The following MCM8 variants were observed in gnomAD, a reference collection of about 807,000 sequenced individuals.
MCM8 encodes DNA helicase MCM8.
A neutral mutation model predicts 98.9 loss-of-function variants in MCM8; 85 were observed. The ratio of observed to expected loss-of-function variants is 0.86; its 90% CI spans 0.72 to 1.03. MCM8 has a LOEUF of 1.03. MCM8 is among the 50% of genes least tolerant of loss of function. MCM8 has a pLI of 0.00. For synonymous variants in MCM8, 352 were observed against 338.6 expected, an observed-to-expected ratio of 1.04 and a Z score of -0.44; for missense variants, 951 against 997.8, an observed-to-expected ratio of 0.95 and a Z score of 0.63.
intron 11 of MCM8, chr20:5,972,698 G>C: frequency 2.4e-6 from 3 of 1,250,580 alleles, no homozygotes; most frequent in Non-Finnish European, 3.2e-6. Flanking sequence ...GGGACTACAG[G>C]CATGCGCCAC....
intron 17 of MCM8, among the ~76,000 whole-genome samples, chr20:5,987,575 A>G (rs2089759457): frequency 6.6e-6 from 1 of 152,142 alleles, no homozygotes. Flanking sequence ...ATAGTGCTAA[A>G]ATCAGTTCCA....
At chr20:5,960,593 A>G (rs764126734) in intron 7 of MCM8, among the ~76,000 whole-genome samples, 1 of 152,062 alleles carries the variant, frequency 6.6e-6, no homozygotes, top group Non-Finnish European at 1.5e-5. Context: ...GACATGATCA[A>G]ATTGTTGTCT....
At chr20:5,962,669 C>T (rs369681199) in intron 7 of MCM8, among the ~76,000 whole-genome samples, 2 of 68,562 alleles carry the variant, frequency 2.9e-5, no homozygotes, top group Non-Finnish European at 4.5e-5. Context: ...CCACCGCGCC[C>T]GGCCTTCATT....
rs148807471 is a variant in MCM8 at position 5,957,354 on chromosome 20, A to G, written c.590+125A>G. 1.3e-3 allele frequency: 793 copies of G among 588,824 alleles called. 3 individuals are homozygous for G. In the African/African-American group the frequency reaches 0.014, roughly 10 times the overall value. 36.5% of individuals were successfully genotyped at this position (588,824 alleles called of 1,614,324 possible). A position where few individuals can be genotyped will look rare whatever the true frequency, so the allele number is the denominator to read the frequency against. Reference sequence around the variant, plus strand: ...AAGGACATGAGTTCCTTGCCATCTCATTGATCATCACACTGAAATAAACTC... The same window carrying G: ...AAGGACATGAGTTCCTTGCCATCTCGTTGATCATCACACTGAAATAAACTC... On this transcript the variant is annotated intron_variant, in intron 6 of 18. Coordinates refer to ENST00000610722, the MANE Select transcript of MCM8 (RefSeq NM_032485.6).
chr20:5,980,647 A>G (rs1443668889), intron 13 of MCM8, among the ~76,000 whole-genome samples: 1 of 152,142 alleles, frequency 6.6e-6, no homozygotes, highest in Non-Finnish European at 1.5e-5. Flanking sequence ...CGAGGCAGGC[A>G]GAGCACTTGA....
intron 7 of MCM8, among the ~76,000 whole-genome samples, chr20:5,960,245 A>G (rs2089106995): frequency 6.6e-6 from 1 of 151,846 alleles, no homozygotes; most frequent in Admixed American, 6.6e-5. Context: ...TTTTCTATTT[A>G]TATCTAATGT....
Position 5,963,366 on chromosome 20 carries a change from G to A in MCM8, c.875+7G>A, listed in dbSNP as rs201832610. 803 of 1,610,276 alleles carry A rather than the reference G, an allele frequency of 5.0e-4. 2 individuals carry two copies. Among genetic ancestry groups the A allele is most frequent in the Non-Finnish European group, 6.3e-4 (743 of 1,176,912 alleles). ...TGGACTGGCAGTCAATCAAGTAAGC[G>A]ATCAGACTGTTACATAAAAGGCAGG... On this transcript the variant is annotated splice_region_variant and intron_variant, in intron 8 of 18. Transcript: ENST00000610722.
rs1478776960 is a variant in MCM8 at position 5,985,902 on chromosome 20, G to A, written c.1954-20G>A. ...TTGCTACTTATCCTTGTTATCTTGGGCCTTTTAATCATGCTTCAGGTGGTT... is the reference window on the plus strand; with the variant it reads ...TTGCTACTTATCCTTGTTATCTTGGACCTTTTAATCATGCTTCAGGTGGTT... On this transcript the variant is annotated intron_variant, in intron 15 of 18. Coordinates refer to ENST00000610722, the MANE Select transcript of MCM8 (RefSeq NM_032485.6). The A allele has an allele frequency of 6.2e-7, 1 of 1,610,674 alleles. No individual in the cohort carries two copies. Among genetic ancestry groups the A allele is most frequent in the Non-Finnish European group, 8.5e-7 (1 of 1,176,966 alleles).
intron 10 of MCM8, among the ~76,000 whole-genome samples, chr20:5,969,066 G>A (rs1185457095): frequency 6.6e-6 from 1 of 152,012 alleles, no homozygotes. Flanking sequence ...CCCTTTATTT[G>A]TATCACCTTA....
chr20:5,995,018 A>T lies in MCM8; in HGVS notation c.*627A>T. On this transcript the variant is annotated 3_prime_UTR_variant, in exon 19 of 19. Transcript: ENST00000610722. ...TAAATTTTTTATAGTTGTATTTTTGACCTGCCTTTTATATGTATGAATATT... is the reference window on the plus strand; with the variant it reads ...TAAATTTTTTATAGTTGTATTTTTGTCCTGCCTTTTATATGTATGAATATT... 1 of 173,222 alleles carries T rather than the reference A, an allele frequency of 5.8e-6. No homozygotes were observed. Among genetic ancestry groups the T allele is most frequent in the Non-Finnish European group, 1.3e-5 (1 of 79,614 alleles). 10.7% of individuals were successfully genotyped at this position (173,222 alleles called of 1,614,324 possible).
rs146909264 is a variant in MCM8 at position 5,969,427 on chromosome 20, A to G, written c.1223+1402A>G. On this transcript the variant is annotated intron_variant, in intron 10 of 18. Transcript: ENST00000610722. ...ACCAATATGGTGAAACCCTGTCTCT[A>G]CTAAAAATAGAAAAATTAGCTGGGC... 3.5e-3 allele frequency among the ~76,000 whole-genome samples: 532 copies of G among 152,208 alleles called. 4 individuals are homozygous for G. The highest frequency in any genetic ancestry group is 0.012 in the African/African-American group (508 of 41,538).
In MCM8 at chr20:5,993,536, G is replaced by GA; in HGVS notation, c.2273dup (p.Asn758LysfsTer5). Reference sequence around the variant, plus strand: ...TAGGAACTTACTCTGATGAATTTGGGAACCTAGATTTTGAGCGATCCCAGC... The same window carrying GA: ...TAGGAACTTACTCTGATGAATTTGGGAAACCTAGATTTTGAGCGATCCCAGC... On this transcript the variant is annotated frameshift_variant, in exon 18 of 19. Coordinates refer to ENST00000610722, the MANE Select transcript of MCM8 (RefSeq NM_032485.6). LOFTEE classifies it high-confidence loss of function. 1 of 1,574,528 alleles carries GA rather than the reference G, an allele frequency of 6.4e-7. No individual in the cohort carries two copies.
At position 5,994,734 on chromosome 20, in the gene MCM8, TAAA is replaced by T. The variant is rs11422423; in HGVS notation, c.*359_*361del. 17 of 408,986 alleles carry T rather than the reference TAAA, an allele frequency of 4.2e-5. No individual in the cohort carries two copies. Among genetic ancestry groups the T allele is most frequent in the Admixed American group, 5.4e-5 (2 of 37,216 alleles). The allele number at this position is 408,986 out of a possible 1,614,324, so 25.3% of individuals were successfully genotyped here. On this transcript the variant is annotated 3_prime_UTR_variant, in exon 19 of 19. Coordinates refer to ENST00000610722, the MANE Select transcript of MCM8 (RefSeq NM_032485.6). ...GGCAACATAGCAAGACCCCATTTCT[TAAA>T]AAAAAAAAAAAAAAATTTAAACTTA...
intron 13 of MCM8, among the ~76,000 whole-genome samples, chr20:5,978,870 A>G (rs935979890): frequency 2.5e-4 from 38 of 152,178 alleles, no homozygotes; most frequent in East Asian, 9.6e-4. Flanking sequence ...GGCCTACTTC[A>G]GAATGAATAG....
intron 15 of MCM8, 75 bp downstream of exon 15, chr20:5,985,075 G>A: frequency 2.5e-6 from 3 of 1,216,008 alleles, no homozygotes; most frequent in Non-Finnish European, 3.5e-6. Flanking sequence ...TTATTGTAGA[G>A]CAGTAGGATA....
chr20:5,970,578 T>C (rs1366273176), intron 10 of MCM8, among the ~76,000 whole-genome samples: 2 of 152,160 alleles, frequency 1.3e-5, no homozygotes, highest in Non-Finnish European at 2.9e-5. Flanking sequence ...ATGATGCTTG[T>C]GTGGCCATAG....
rs765488583 is a variant in MCM8, at chr20:5,958,598, C to G, written c.661C>G (p.Leu221Val). The change falls in exon 7 of 19, where the codon CTA becomes GTA. Residue 221 changes from leucine (L) to valine (V), a missense_variant. Transcript: ENST00000610722. ...AAATTACTATGGAAAATACATTGCT[C>G]TAAGAGGGACAGTGGTTCGTGTCAG... ...RANYYGKYIA[L>V]RGTVVRVSNI... is the part of the protein sequence containing the mutation. The G allele has an allele frequency of 1.2e-6, 2 of 1,613,984 alleles. No individual in the cohort carries two copies. Among genetic ancestry groups the G allele is most frequent in the African/African-American group, 1.3e-5 (1 of 74,910 alleles).
At position 5,994,593 on chromosome 20, in the gene MCM8, A is replaced by C. The variant is rs2089923953; in HGVS notation, c.*202A>C. The stretch of plus-strand genomic sequence containing the variant: ...ATAGGAAAAAAGCATTAAATATAAT[A>C]AACTAATTTAAGAAGTGATAAAGTC... On this transcript the variant is annotated 3_prime_UTR_variant, in exon 19 of 19. Coordinates refer to ENST00000610722, the MANE Select transcript of MCM8 (RefSeq NM_032485.6). 1 of 539,170 alleles carries C rather than the reference A, an allele frequency of 1.9e-6. No homozygotes were observed. Among genetic ancestry groups the C allele is most frequent in the African/African-American group, 1.9e-5 (1 of 52,288 alleles). The allele number at this position is 539,170 out of a possible 1,614,324, so 33.4% of individuals were successfully genotyped here.
chr20:5,962,091 G>A (rs1383559596), intron 7 of MCM8, among the ~76,000 whole-genome samples: 2 of 152,206 alleles, frequency 1.3e-5, no homozygotes, highest in African/African-American at 2.4e-5. Context: ...GTGGCTGGGG[G>A]CTGGCCAGGC....
Sources: allele counts gnomAD v4.1 joint callset (sites outside exome capture counted in the v4.1 genomes callset), GRCh38; gene constraint gnomAD v4.1.1; transcripts MANE v1.5; gene names NCBI Gene and HGNC (gene_info 2026-07-23, HGNC 2026-07-21).